Variants in LGSN observed in about 807,000 individuals in gnomAD.
LGSN encodes the protein lengsin, lens protein with glutamine synthetase domain.
Under a neutral mutation model 19.5 loss-of-function variants are expected in LGSN, and 21 were observed. The observed-to-expected ratio is 1.07, with a 90% CI of 0.76 to 1.55. The LOEUF (loss-of-function observed/expected upper bound fraction) is 1.55, where lower values mean the gene tolerates loss of function less well. LGSN is among the 40% of genes most tolerant of loss of function. LGSN has a pLI of 0.00. For missense variants in LGSN, 673 were observed against 608.5 expected, an observed-to-expected ratio of 1.11 and a Z score of -1.12; for synonymous variants, 257 against 215.6, an observed-to-expected ratio of 1.19 and a Z score of -1.68.
At chr6:63,450,444 T>G in the LGSN span, among the ~76,000 whole-genome samples, 69,409 of 149,490 alleles carry the variant, frequency 0.46, 17,781 homozygotes, top group Non-Finnish European at 0.56. Context: ...TACTCAGGAG[T>G]CTGAGTCAGG....
chr6:63,408,537 G>C, the LGSN span, among the ~76,000 whole-genome samples: 3 of 147,040 alleles, frequency 2.0e-5, no homozygotes, highest in African/African-American at 7.9e-5. Context: ...ATTCAAGATG[G>C]ATTAAAGACT....
At chr6:63,497,837 T>C in the LGSN span, among the ~76,000 whole-genome samples, 1 of 151,996 alleles carries the variant, frequency 6.6e-6, no homozygotes, top group Non-Finnish European at 1.5e-5. Flanking sequence ...TGACCTAGCA[T>C]AGTTAATTCT....
chr6:63,449,032 A>G, the LGSN span, among the ~76,000 whole-genome samples: 1 of 152,204 alleles, frequency 6.6e-6, no homozygotes, highest in Admixed American at 6.5e-5. Flanking sequence ...GAAGGATGTA[A>G]CTGGGTTACA....
chr6:63,420,236 A>T, the LGSN span, among the ~76,000 whole-genome samples: 1 of 149,198 alleles, frequency 6.7e-6, no homozygotes, highest in African/African-American at 2.5e-5. Context: ...GTACTTTTTC[A>T]CTCCTAGACT....
At chr6:63,491,676 G>A in the LGSN span, among the ~76,000 whole-genome samples, 1 of 152,174 alleles carries the variant, frequency 6.6e-6, no homozygotes, top group South Asian at 2.1e-4. Flanking sequence ...ATGAGTTTCT[G>A]ATAAATTGCC....
At chr6:63,386,600 C>G in the LGSN span, among the ~76,000 whole-genome samples, 1 of 152,062 alleles carries the variant, frequency 6.6e-6, no homozygotes. Context: ...CTTGAAAATG[C>G]TTTGTATCTA....
the LGSN span, among the ~76,000 whole-genome samples, chr6:63,390,040 A>G: frequency 6.6e-6 from 1 of 152,112 alleles, no homozygotes; most frequent in South Asian, 2.1e-4. Flanking sequence ...AATGAAGAGA[A>G]AAGACTCTAA....
At chr6:63,326,281 A>C in the LGSN span, among the ~76,000 whole-genome samples, 1 of 152,136 alleles carries the variant, frequency 6.6e-6, no homozygotes, top group African/African-American at 2.4e-5. Flanking sequence ...GTGTGTTTAC[A>C]AACCTTGAGC....
the LGSN span, among the ~76,000 whole-genome samples, chr6:63,523,731 C>T: frequency 2.0e-4 from 30 of 151,938 alleles, no homozygotes; most frequent in Non-Finnish European, 3.1e-4. Flanking sequence ...ACTTTTTTTG[C>T]GATTTTTTTA....
the LGSN span, among the ~76,000 whole-genome samples, chr6:63,492,093 G>A: frequency 5.3e-5 from 8 of 151,064 alleles, no homozygotes; most frequent in East Asian, 5.8e-4. Context: ...CAAATTATAC[G>A]AGCATCATTT....
the LGSN span, among the ~76,000 whole-genome samples, chr6:63,453,319 T>C: frequency 6.6e-6 from 1 of 152,206 alleles, no homozygotes; most frequent in Non-Finnish European, 1.5e-5. Context: ...TTGTCTTCTA[T>C]GTCCTTTCTA....
At position 63,280,273 on chromosome 6, in the gene LGSN, G is replaced by A. The variant is rs572903370; in HGVS notation, c.1278C>T (p.Ala426=). The A allele has an allele frequency of 1.4e-5, 22 of 1,614,178 alleles. No homozygotes were observed. The highest frequency in any genetic ancestry group is 1.1e-4 in the African/African-American group (8 of 75,032). ...PYLVLAATVA[A]GLDGLHSSNE... ...TACTGCTATGAAGTCCATCTAAGCC[G>A]GCAGCAACAGTTGCAGCCAGCACCA... The change falls in exon 4 of 4, where the codon GCC becomes GCT. Residue 426 remains alanine, a synonymous_variant. Transcript: ENST00000370657.
chr6:63,281,618 A>C (rs1207757849), intron 3 of LGSN, among the ~76,000 whole-genome samples: 1 of 152,134 alleles, frequency 6.6e-6, no homozygotes, highest in Non-Finnish European at 1.5e-5. Flanking sequence ...TTAATTCTTC[A>C]GATAAGGCTT....
the LGSN span, among the ~76,000 whole-genome samples, chr6:63,406,892 T>C: frequency 6.6e-6 from 1 of 152,124 alleles, no homozygotes; most frequent in African/African-American, 2.4e-5. Context: ...CAGAGAATAC[T>C]ACAAACACCT....
chr6:63,313,805 C>T (rs1768727330), intron 1 of LGSN, among the ~76,000 whole-genome samples: 1 of 151,918 alleles, frequency 6.6e-6, no homozygotes, highest in Admixed American at 6.6e-5. Context: ...CACTGCACTC[C>T]AACCTGGGCA....
At chr6:63,529,819 C>G in the LGSN span, among the ~76,000 whole-genome samples, 1 of 151,942 alleles carries the variant, frequency 6.6e-6, no homozygotes, top group Non-Finnish European at 1.5e-5. Context: ...AAAATACGTG[C>G]GTAAGAGGAA....
the LGSN span, among the ~76,000 whole-genome samples, chr6:63,385,683 A>C: frequency 6.6e-6 from 1 of 152,036 alleles, no homozygotes; most frequent in Non-Finnish European, 1.5e-5. Flanking sequence ...TAAGCATTAG[A>C]CTCTCAATTG....
chr6:63,296,340 A>G (rs578110362), intron 1 of LGSN, among the ~76,000 whole-genome samples: 20 of 151,848 alleles, frequency 1.3e-4, no homozygotes, highest in African/African-American at 4.8e-4. Flanking sequence ...TTTAATTTCA[A>G]TACTTGCATA....
At chr6:63,291,135 A>T (rs775331727) in intron 2 of LGSN, among the ~76,000 whole-genome samples, 116 of 152,012 alleles carry the variant, frequency 7.6e-4, no homozygotes, top group Non-Finnish European at 1.0e-4. Context: ...CACTCAAACC[A>T]CTTATGGGAG....
Sources: allele counts gnomAD v4.1 joint callset (sites outside exome capture counted in the v4.1 genomes callset), GRCh38; gene constraint gnomAD v4.1.1; transcripts MANE v1.5; gene names NCBI Gene and HGNC (gene_info 2026-07-23, HGNC 2026-07-21).